The following CUBN variants were observed in gnomAD, a reference collection of about 807,000 sequenced individuals.
CUBN encodes the protein 460 kDa receptor.
CUBN carries 282 observed loss-of-function variants against 405.3 expected under a neutral mutation model. The ratio of observed to expected loss-of-function variants is 0.70; its 90% confidence interval spans 0.63 to 0.77. The LOEUF is 0.77. Ranked by LOEUF, CUBN falls within the 30% of genes least tolerant of loss-of-function variation. CUBN has a pLI of 0.00. For missense variants in CUBN, 4,514 were observed against 4,475.2 expected (o/e 1.01, Z -0.25); for synonymous variants, 1,684 against 1,617.0 (o/e 1.04, Z -0.99).
chr10:17,104,749 T>C (rs1836581695), intron 11 of CUBN, 144 bp from the exon 12 acceptor site: 1 of 210,830 alleles, frequency 4.7e-6, no homozygotes, highest in South Asian at 1.4e-4. Flanking sequence ...TAATATATAA[T>C]TATATATTTA....
chr10:17,000,375 G>A (rs932011731), intron 28 of CUBN, among the ~76,000 whole-genome samples: 1 of 152,138 alleles, frequency 6.6e-6, no homozygotes, highest in African/African-American at 2.4e-5. Context: ...TGTGTTTAAG[G>A]ATTGCAAATA....
intron 31 of CUBN, among the ~76,000 whole-genome samples, chr10:16,958,886 T>C (rs1368900782): frequency 6.6e-6 from 1 of 152,184 alleles, no homozygotes; most frequent in East Asian, 1.9e-4. Flanking sequence ...AATTTATTTC[T>C]AACAGTTCAG....
In CUBN at chr10:17,084,884, A is replaced by G. The variant is rs1233933922; in HGVS notation, c.2111-423T>C. Among the ~76,000 whole-genome samples the G allele has an allele frequency of 2.0e-5, 3 of 152,330 alleles. No individual in the cohort carries two copies. In the East Asian group the frequency reaches 5.8e-4, roughly 29 times the overall value. On this transcript the variant is annotated intron_variant, in intron 16 of 66. Transcript: ENST00000377833. ...CCAGGGGGAGTTGATTTGCACGGAAAACAATTGAAAGGGGAACAGGAGGTT... is the reference window on the plus strand; with the variant it reads ...CCAGGGGGAGTTGATTTGCACGGAAGACAATTGAAAGGGGAACAGGAGGTT...
At chr10:16,856,633 T>G (rs967220729) in intron 59 of CUBN, among the ~76,000 whole-genome samples, 26 of 152,342 alleles carry the variant, frequency 1.7e-4, no homozygotes, top group African/African-American at 5.8e-4. Flanking sequence ...AATCATTATT[T>G]GGAGAATTGA....
intron 31 of CUBN, among the ~76,000 whole-genome samples, chr10:16,957,872 T>C (rs1463581102): frequency 6.7e-6 from 1 of 150,210 alleles, no homozygotes; most frequent in African/African-American, 2.5e-5. Flanking sequence ...GAACAATGGG[T>C]TCTATGGTGT....
chr10:17,038,157 G>A lies in CUBN; in HGVS notation c.4017+2876C>T, dbSNP rs191670018. ...TCTTCTCACTACACACATGCTCCCTGTTGACTTAACAAATACCCTGGGCTT... is the reference window on the plus strand; with the variant it reads ...TCTTCTCACTACACACATGCTCCCTATTGACTTAACAAATACCCTGGGCTT... On this transcript the variant is annotated intron_variant, in intron 27 of 66. Coordinates refer to ENST00000377833, the MANE Select transcript of CUBN (RefSeq NM_001081.4). Among the ~76,000 whole-genome samples the A allele has an allele frequency of 3.4e-3, 516 of 152,190 alleles. 1 individual carries two copies. The highest frequency in any genetic ancestry group is 0.012 in the African/African-American group (480 of 41,522).
intron 54 of CUBN, among the ~76,000 whole-genome samples, chr10:16,898,204 T>C (rs536020864): frequency 6.6e-6 from 1 of 152,152 alleles, no homozygotes; most frequent in East Asian, 1.9e-4. Flanking sequence ...CTTTGACTCA[T>C]CAAGTGACTT....
intron 31 of CUBN, among the ~76,000 whole-genome samples, chr10:16,963,000 C>A (rs1843277432): frequency 6.6e-6 from 1 of 151,988 alleles, no homozygotes; most frequent in Non-Finnish European, 1.5e-5. Flanking sequence ...TTGCAGTAAC[C>A]ACCTCAGAGA....
chr10:17,009,119 T>C (rs944873191), intron 28 of CUBN, among the ~76,000 whole-genome samples: 6 of 152,218 alleles, frequency 3.9e-5, no homozygotes, highest in African/African-American at 1.4e-4. Context: ...TAGAATATGA[T>C]AGTCAATTTT....
rs1312085354 is a variant in CUBN, at chr10:16,888,413, T to G, written c.8905+4A>C. On this transcript the variant is annotated splice_donor_region_variant and intron_variant, in intron 56 of 66. Transcript: ENST00000377833. ...ACGTAATTTTTTTAAAAGAATAAAC[T>G]TACCTTCTAAGTGGAAGGACACAAA... 6.2e-7 allele frequency: 1 copy of G among 1,611,624 alleles called. No homozygotes were observed.
At chr10:17,125,253 C>G (rs905660312) in intron 4 of CUBN, among the ~76,000 whole-genome samples, 1 of 151,968 alleles carries the variant, frequency 6.6e-6, no homozygotes, top group African/African-American at 2.4e-5. Context: ...TACATACACA[C>G]ACACATACAA....
chr10:16,928,069 CA>C, intron 41 of CUBN, 87 bp downstream of exon 41: 2 of 1,492,232 alleles, frequency 1.3e-6, no homozygotes, highest in Non-Finnish European at 1.9e-6. Context: ...TCCTGGTGCC[CA>C]AAAACATTAT....
intron 6 of CUBN, among the ~76,000 whole-genome samples, chr10:17,121,236 T>C (rs1415419970): frequency 2.0e-5 from 3 of 152,178 alleles, no homozygotes; most frequent in Non-Finnish European, 2.9e-5. Context: ...GTTTATAACC[T>C]GGAATGAGTA....
intron 66 of CUBN, among the ~76,000 whole-genome samples, chr10:16,827,861 A>G (rs1838833620): frequency 6.6e-6 from 1 of 152,238 alleles, no homozygotes; most frequent in South Asian, 2.1e-4. Context: ...TGGGCCTCCC[A>G]AAGTGTTGGG....
At chr10:16,939,208 A>G (rs1418386992) in intron 37 of CUBN, 61 bp from the exon 38 acceptor site, 6 of 1,353,660 alleles carry the variant, frequency 4.4e-6, no homozygotes, top group African/African-American at 1.4e-5. Context: ...AATCAAATGA[A>G]AAAAACAAAA....
chr10:17,030,969 G>T (rs1041713973), intron 27 of CUBN, among the ~76,000 whole-genome samples: 3 of 152,000 alleles, frequency 2.0e-5, no homozygotes, highest in Non-Finnish European at 4.4e-5. Flanking sequence ...GATACAGAAA[G>T]TCTTTATTCT....
chr10:16,825,453 A>G (rs866907481), intron 66 of CUBN, among the ~76,000 whole-genome samples: 9 of 152,340 alleles, frequency 5.9e-5, no homozygotes, highest in Middle Eastern at 3.4e-3. Flanking sequence ...TTGTATCTCA[A>G]TAAAACTGTT....
intron 54 of CUBN, among the ~76,000 whole-genome samples, chr10:16,897,708 C>G (rs1233174009): frequency 6.6e-6 from 1 of 152,170 alleles, no homozygotes; most frequent in East Asian, 1.9e-4. Flanking sequence ...CTTGCCGAAG[C>G]TGGGTCCCTT....
chr10:16,844,270 C>CCA (rs1554781157), intron 60 of CUBN, among the ~76,000 whole-genome samples: 1 of 143,422 alleles, frequency 7.0e-6, no homozygotes, highest in African/African-American at 2.7e-5. Context: ...ACTCTGTCCC[C>CCA]AAAAAAAAAA....
Sources: gnomAD v4.1 joint callset for allele counts (sites outside exome capture counted in the v4.1 genomes callset) on GRCh38, gnomAD v4.1.1 for gene constraint, MANE v1.5 for transcripts, NCBI Gene and HGNC (gene_info 2026-07-23, HGNC 2026-07-21) for gene names.